ANKRD31: variants seen among roughly 807,000 people sequenced by gnomAD.
ANKRD31 encodes the protein ankyrin repeat domain 31.
ANKRD31 carries 147 observed loss-of-function variants against 186.0 expected under a neutral mutation model. That is an observed-to-expected ratio of 0.79 (90% CI 0.69 to 0.91). The LOEUF is 0.91. Among genes scored for constraint, ANKRD31 ranks in the 40% least tolerant of loss-of-function variants. The pLI, the probability that ANKRD31 is intolerant of heterozygous loss-of-function variation, is 0.00. For missense variants in ANKRD31, 1,986 were observed against 2,148.8 expected (o/e 0.92, Z 1.50); for synonymous variants, 673 against 736.4 (o/e 0.91, Z 1.39).
intron 3 of ANKRD31, among the ~76,000 whole-genome samples, chr5:75,216,310 A>C (rs1756955603): frequency 6.6e-6 from 1 of 152,182 alleles, no homozygotes; most frequent in Non-Finnish European, 1.5e-5. Context: ...GTTCCACCCA[A>C]GTATGGGTCT....
rs1313878485 is a variant in ANKRD31, at chr5:75,154,967, TCTC to T, written c.1708-625_1708-623del. Among the ~76,000 whole-genome samples the T allele has an allele frequency of 6.6e-5, 10 of 151,962 alleles. No homozygotes were observed. The East Asian group carries it at 1.7e-3, about 26-fold the overall frequency. On this transcript the variant is annotated intron_variant, in intron 11 of 25. Coordinates refer to ENST00000506364, the MANE Select transcript of ANKRD31 (RefSeq NM_001372053.1). Reference sequence around the variant, plus strand: ...CACTGCTGCCCAGAGAAAAACGACTTCTCCTTCTTTTCACACACATATTACTGC... The same window carrying T: ...CACTGCTGCCCAGAGAAAAACGACTTCTTCTTTTCACACACATATTACTGC...
At chr5:75,186,560 C>T (rs777243348) in intron 10 of ANKRD31, among the ~76,000 whole-genome samples, 4 of 152,120 alleles carry the variant, frequency 2.6e-5, no homozygotes, top group Non-Finnish European at 5.9e-5. Flanking sequence ...AAGAGTTCTG[C>T]ATAAAATAAA....
intron 10 of ANKRD31, among the ~76,000 whole-genome samples, chr5:75,176,935 G>A (rs548527400): frequency 2.6e-5 from 4 of 152,196 alleles, no homozygotes; most frequent in East Asian, 1.9e-4. Context: ...AAACTACTCC[G>A]AGCTAAAGGA....
At chr5:75,102,005 G>A (rs1415970109) in intron 22 of ANKRD31, among the ~76,000 whole-genome samples, 1 of 152,196 alleles carries the variant, frequency 6.6e-6, no homozygotes, top group Non-Finnish European at 1.5e-5. Context: ...GAGAAGAGGT[G>A]CTCTGATTTT....
At chr5:75,090,181 T>C (rs1263917801) in intron 23 of ANKRD31, among the ~76,000 whole-genome samples, 2 of 152,104 alleles carry the variant, frequency 1.3e-5, no homozygotes, top group East Asian at 3.8e-4. Context: ...GAATTAAGAA[T>C]CCATGGAAAG....
Position 75,203,674 on chromosome 5 carries a change from AAAAG to A in ANKRD31, c.403+2733_403+2736del, listed in dbSNP as rs537479968. Among the ~76,000 whole-genome samples the A allele has an allele frequency of 2.0e-3, 281 of 137,406 alleles. 1 individual carries two copies. Among genetic ancestry groups the A allele is most frequent in the African/African-American group, 6.6e-3 (227 of 34,480 alleles). 90.1% of individuals were successfully genotyped at this position (137,406 alleles called of 152,430 possible). On this transcript the variant is annotated intron_variant, in intron 5 of 25. Coordinates refer to ENST00000506364, the MANE Select transcript of ANKRD31 (RefSeq NM_001372053.1). Reference sequence around the variant, plus strand: ...AGAGGATCCATCTCAAAAAAAAAAAAAAAGAAAAGAAAAGAAAAGAAAAGAAAAT... The same window carrying A: ...AGAGGATCCATCTCAAAAAAAAAAAAAAAAGAAAAGAAAAGAAAAGAAAAT...
At chr5:75,189,675 A>T (rs1201875402) in intron 9 of ANKRD31, among the ~76,000 whole-genome samples, 1 of 152,162 alleles carries the variant, frequency 6.6e-6, no homozygotes, top group African/African-American at 2.4e-5. Flanking sequence ...TTATATTATA[A>T]TTATGTAATT....
Position 75,084,293 on chromosome 5 carries a change from G to C in ANKRD31, c.5554C>G (p.Gln1852Glu). 1 of 1,536,808 alleles carries C rather than the reference G, an allele frequency of 6.5e-7. No homozygotes were observed. The highest frequency in any genetic ancestry group is 1.7e-4 in the Middle Eastern group (1 of 5,990). Residue 1852 changes from glutamine to glutamate, a missense_variant, in exon 24 of 26, where the codon CAA becomes GAA. Transcript: ENST00000506364. ...ATACCTGGAAGACAAGGTTGATATT[G>C]CTGAGGTACTGAGTTTGGTTCTGGA... ...ILPEPNSVPQ[Q>E]YQPCLPEVAC...
At chr5:75,177,861 A>G (rs1376574565) in intron 10 of ANKRD31, among the ~76,000 whole-genome samples, 1 of 152,198 alleles carries the variant, frequency 6.6e-6, no homozygotes, top group Non-Finnish European at 1.5e-5. Context: ...TCATAATAAC[A>G]GGATCAAATT....
intron 23 of ANKRD31, 84 bp downstream of exon 23, chr5:75,091,177 T>G: frequency 7.0e-7 from 1 of 1,423,502 alleles, no homozygotes. Context: ...ATCTTTCAGA[T>G]TTCCTTAAAA....
At chr5:75,144,198 T>C (rs963391406) in intron 14 of ANKRD31, 27 bp from the exon 15 acceptor site, 1 of 396,454 alleles carries the variant, frequency 2.5e-6, no homozygotes, top group Non-Finnish European at 4.5e-6. Flanking sequence ...ACAATATCAG[T>C]GTTGTTGTTC....
intron 23 of ANKRD31, 133 bp downstream of exon 23, chr5:75,091,128 T>C (rs1432135566): frequency 1.0e-6 from 1 of 966,400 alleles, no homozygotes; most frequent in Non-Finnish European, 1.5e-6. Context: ...GCATACAGCA[T>C]ATACAGAATG....
At chr5:75,224,294 A>G (rs1757509293) in intron 2 of ANKRD31, among the ~76,000 whole-genome samples, 1 of 151,486 alleles carries the variant, frequency 6.6e-6, no homozygotes, top group African/African-American at 2.4e-5. Context: ...GTCATACTGC[A>G]TTGAGCTTGC....
chr5:75,234,054 C>T (rs1292052183), intron 1 of ANKRD31, among the ~76,000 whole-genome samples: 1 of 152,180 alleles, frequency 6.6e-6, no homozygotes, highest in Non-Finnish European at 1.5e-5. Flanking sequence ...GTTTTAAAAT[C>T]ATATAATGCT....
rs551309722 is a variant in ANKRD31 at position 75,202,194 on chromosome 5, T to C, written c.404-2520A>G. ...CTGTGCCACAGGCCATGGTCACTCA[T>C]ATTTGGCTCAGAATAAATCTCTTCA... On this transcript the variant is annotated intron_variant, in intron 5 of 25. Coordinates refer to ENST00000506364, the MANE Select transcript of ANKRD31 (RefSeq NM_001372053.1). Among the ~76,000 whole-genome samples, 6 of 152,356 alleles carry C rather than the reference T, an allele frequency of 3.9e-5. 1 individual carries two copies. Among genetic ancestry groups the C allele is most frequent in the South Asian group, 4.1e-4 (2 of 4,828 alleles).
At position 75,133,173 on chromosome 5, in the gene ANKRD31, A is replaced by T. The variant is rs577491507; in HGVS notation, c.3876+4683T>A. Among the ~76,000 whole-genome samples, 49 of 152,326 alleles carry T rather than the reference A, an allele frequency of 3.2e-4. 1 individual carries two copies. The highest frequency in any genetic ancestry group is 1.1e-3 in the African/African-American group (47 of 41,580). ...ATTCACACATAACTATATTAACCTT[A>T]AATGTAAATGAGCTAACTGCTCCAA... is the stretch of plus-strand genomic sequence containing the variant. On this transcript the variant is annotated intron_variant, in intron 17 of 25. Coordinates refer to ENST00000506364, the MANE Select transcript of ANKRD31 (RefSeq NM_001372053.1).
At chr5:75,195,531 T>A (rs1487088492) in intron 7 of ANKRD31, 100 bp downstream of exon 7, 1 of 1,040,574 alleles carries the variant, frequency 9.6e-7, no homozygotes, top group East Asian at 2.6e-5. Flanking sequence ...AGACTCATAT[T>A]TTCAGCTACT....
chr5:75,144,395 C>G (rs1372679927), intron 14 of ANKRD31, among the ~76,000 whole-genome samples: 1 of 152,004 alleles, frequency 6.6e-6, no homozygotes, highest in Non-Finnish European at 1.5e-5. Flanking sequence ...CAATTTCCTG[C>G]TATCAAAATG....
At chr5:75,078,694 AT>A (rs1198648152) in intron 25 of ANKRD31, among the ~76,000 whole-genome samples, 1 of 152,234 alleles carries the variant, frequency 6.6e-6, no homozygotes, top group Non-Finnish European at 1.5e-5. Flanking sequence ...TCTTAACAGA[AT>A]TAAAAAAGAA....
Sources: gnomAD v4.1 joint callset for allele counts (sites outside exome capture counted in the v4.1 genomes callset) on GRCh38, gnomAD v4.1.1 for gene constraint, MANE v1.5 for transcripts, NCBI Gene and HGNC (gene_info 2026-07-23, HGNC 2026-07-21) for gene names.